NUCB1: variants seen among roughly 807,000 people sequenced by gnomAD.
NUCB1 encodes nucleobindin 1.
In NUCB1, 47 loss-of-function variants were observed where a neutral mutation model predicts 61.2. The observed-to-expected ratio is 0.77, with a 90% CI of 0.61 to 0.98. The LOEUF (loss-of-function observed/expected upper bound fraction) is 0.98, where lower values mean the gene tolerates loss of function less well. Ranked by LOEUF, NUCB1 falls within the 50% of genes least tolerant of loss-of-function variation. The pLI is 0.00. For synonymous variants in NUCB1, 234 were observed against 243.1 expected (o/e 0.96, Z 0.35); for missense variants, 583 against 605.3 (o/e 0.96, Z 0.39).
intron 7 of NUCB1, among the ~76,000 whole-genome samples, chr19:48,917,121 G>A (rs1217047958): frequency 6.6e-6 from 1 of 151,894 alleles, no homozygotes; most frequent in Non-Finnish European, 1.5e-5. Context: ...TACTTGGGAG[G>A]CTGAGGTGGG....
intron 7 of NUCB1, among the ~76,000 whole-genome samples, chr19:48,915,187 G>A (rs571300704): frequency 5.3e-5 from 8 of 151,134 alleles, no homozygotes; most frequent in African/African-American, 1.7e-4. Flanking sequence ...CAGAATCAAC[G>A]AAGGTTCTAG....
intron 4 of NUCB1, among the ~76,000 whole-genome samples, chr19:48,906,897 G>A (rs2037418153): frequency 6.6e-6 from 1 of 152,086 alleles, no homozygotes; most frequent in South Asian, 2.1e-4. Flanking sequence ...ACATTTCAGT[G>A]TGATACTCTT....
chr19:48,913,170 C>G lies in NUCB1; in HGVS notation c.640C>G (p.Arg214Gly). 1 of 1,613,446 alleles carries G rather than the reference C, an allele frequency of 6.2e-7. No individual in the cohort carries two copies. The highest frequency in any genetic ancestry group is 8.5e-7 in the Non-Finnish European group (1 of 1,179,782). ...GCTGGAAGAGCAACAGCGCCGGCAC[C>G]GCGAGCACCCTAAAGTCAACGTGCC... is the stretch of plus-strand genomic sequence containing the variant. ...RKLEEQQRRHREHPKVNVPGS... is the reference protein window; with the variant it reads ...RKLEEQQRRHGEHPKVNVPGS... Residue 214 changes from arginine to glycine, a missense_variant, in exon 6 of 13, where the codon CGC (arginine) becomes GGC (glycine). By Grantham distance (125) the Arg-to-Gly change is moderately radical. Transcript: ENST00000405315.
chr19:48,908,199 C>T (rs912159824), intron 4 of NUCB1, among the ~76,000 whole-genome samples: 1 of 152,100 alleles, frequency 6.6e-6, no homozygotes, highest in Non-Finnish European at 1.5e-5. Context: ...GGCGCGATCT[C>T]GGCTCACTGC....
chr19:48,920,117 C>T (rs1262568741), intron 10 of NUCB1, among the ~76,000 whole-genome samples: 1 of 152,034 alleles, frequency 6.6e-6, no homozygotes, highest in Middle Eastern at 3.2e-3. Context: ...GCATGTTGGC[C>T]AGGCTGCTCT....
Position 48,918,772 on chromosome 19 carries a change from C to G in NUCB1, c.804C>G (p.Leu268=), listed in dbSNP as rs1259547326. 6.2e-7 allele frequency: 1 copy of G among 1,614,020 alleles called. No homozygotes were observed. The change falls in exon 8 of 13, where the codon CTC becomes CTG. Residue 268 remains leucine (L), a synonymous_variant. Transcript: ENST00000405315. ...TGGATGAGCAGGAGCTGGAGGCACT[C>G]TTCACCAAGGAGGTGAGCATCTTGG... ...GVLDEQELEA[L]FTKELEKVYD... is the part of the protein sequence containing the mutation.
intron 4 of NUCB1, among the ~76,000 whole-genome samples, chr19:48,908,596 C>A (rs1181882465): frequency 6.6e-6 from 1 of 151,262 alleles, no homozygotes; most frequent in African/African-American, 2.4e-5. Flanking sequence ...TGGGCTCAGC[C>A]AGGGCCGGAG....
rs375086497 is a variant in NUCB1 at position 48,921,899 on chromosome 19, C to G, written c.1246C>G (p.Pro416Ala). The G allele has an allele frequency of 1.1e-5, 18 of 1,610,644 alleles. No individual in the cohort carries two copies. The highest frequency in any genetic ancestry group is 1.7e-5 in the Admixed American group (1 of 59,590). ...QQGHKAPAAH[P>A]EGQLKFHPDT... The stretch of plus-strand genomic sequence containing the variant: ...AGGCCACAAGGCCCCGGCTGCCCAC[C>G]CTGAGGGGCAGCTCAAGTTCCACCC... The change falls in exon 12 of 13, where the codon CCT becomes GCT. Residue 416 changes from proline to alanine, a missense_variant. Transcript: ENST00000405315.
At chr19:48,922,009 C>A in intron 12 of NUCB1, 77 bp downstream of exon 12, 2 of 1,137,182 alleles carry the variant, frequency 1.8e-6, no homozygotes, top group Non-Finnish European at 1.3e-6. Context: ...TGGGCCTGGA[C>A]TCCCAGATCT....
At chr19:48,913,326 T>A in intron 6 of NUCB1, 130 bp downstream of exon 6, 1 of 1,202,316 alleles carries the variant, frequency 8.3e-7, no homozygotes, top group Non-Finnish European at 1.2e-6. Flanking sequence ...TGTACCTGGC[T>A]GCCCCAGGGT....
chr19:48,904,293 G>A, intron 2 of NUCB1, 54 bp from the exon 3 acceptor site: 2 of 1,190,226 alleles, frequency 1.7e-6, no homozygotes, highest in Non-Finnish European at 2.5e-6. Context: ...ACAGGAGTGA[G>A]GGTGGGGATG....
chr19:48,911,155 A>C lies in NUCB1; in HGVS notation c.383A>C (p.Gln128Pro). ...ACTCTTCCCTCTCTTCCAGATGTAC[A>C]GGTGGATCATCTGAATCTCCTGAAA... The part of the protein sequence containing the change: ...KMDAEQDPNV[Q>P]VDHLNLLKQF... Residue 128 changes from glutamine (Q) to proline (P), a missense_variant, in exon 5 of 13, where the codon CAG (glutamine) becomes CCG (proline). Gln to Pro is a moderately conservative substitution (Grantham distance 76, BLOSUM62 -1). Coordinates refer to ENST00000405315, the MANE Select transcript of NUCB1 (RefSeq NM_006184.6). The C allele has an allele frequency of 4.3e-6, 7 of 1,610,314 alleles. No homozygotes were observed. The highest frequency in any genetic ancestry group is 5.9e-6 in the Non-Finnish European group (7 of 1,176,802).
chr19:48,911,076 G>T, intron 4 of NUCB1, 73 bp from the exon 5 acceptor site: 1 of 1,133,804 alleles, frequency 8.8e-7, no homozygotes. Context: ...GACTTCTTTG[G>T]ATCATGTCTG....
intron 5 of NUCB1, among the ~76,000 whole-genome samples, chr19:48,911,795 T>G (rs2037477098): frequency 6.6e-6 from 1 of 151,982 alleles, no homozygotes; most frequent in African/African-American, 2.4e-5. Flanking sequence ...AAGATCACAT[T>G]CTGAGATTCC....
intron 7 of NUCB1, among the ~76,000 whole-genome samples, chr19:48,916,372 C>T (rs530176194): frequency 6.6e-6 from 1 of 152,260 alleles, no homozygotes; most frequent in African/African-American, 2.4e-5. Context: ...AATCCCAGCA[C>T]TTTGGGAGGC....
At chr19:48,902,420 CTTTT>C (rs58758940) in intron 2 of NUCB1, among the ~76,000 whole-genome samples, 9 of 129,998 alleles carry the variant, frequency 6.9e-5, no homozygotes, top group African/African-American at 8.7e-5. Flanking sequence ...TTTCCTTTTT[CTTTT>C]TTTTTTTTTT....
chr19:48,911,360 C>G (rs980873182), intron 5 of NUCB1, 108 bp downstream of exon 5: 15 of 735,164 alleles, frequency 2.0e-5, no homozygotes, highest in Admixed American at 4.3e-5. Context: ...CTGGTGTTCT[C>G]TGAGGTTGGA....
In NUCB1 at chr19:48,904,376, C is replaced by T. The variant is rs2037389350; in HGVS notation, c.165C>T (p.Leu55=). ...CAGGCCTGTACTACCACCGGTACCTCCAGGAGGTCATCGATGTACTGGAGA... is the reference window on the plus strand; with the variant it reads ...CAGGCCTGTACTACCACCGGTACCTTCAGGAGGTCATCGATGTACTGGAGA... ...PDTGLYYHRY[L]QEVIDVLETD... is the part of the protein sequence containing the mutation. Residue 55 remains leucine, a synonymous_variant, in exon 3 of 13, where the codon CTC becomes CTT. Transcript: ENST00000405315. The T allele has an allele frequency of 3.7e-6, 6 of 1,613,622 alleles. No individual in the cohort carries two copies. Among genetic ancestry groups the T allele is most frequent in the Non-Finnish European group, 5.1e-6 (6 of 1,179,728 alleles).
At chr19:48,918,890 T>C in intron 8 of NUCB1, 106 bp downstream of exon 8, 2 of 1,325,548 alleles carry the variant, frequency 1.5e-6, no homozygotes, top group Non-Finnish European at 2.1e-6. Flanking sequence ...CAGTGAAAAC[T>C]ACAACTCCCA....
Sources: gnomAD v4.1 joint callset for allele counts (sites outside exome capture counted in the v4.1 genomes callset) on GRCh38, gnomAD v4.1.1 for gene constraint, MANE v1.5 for transcripts, NCBI Gene and HGNC (gene_info 2026-07-23, HGNC 2026-07-21) for gene names.